Variants in EYS observed in about 807,000 individuals in gnomAD.
EYS encodes the protein protein eyes shut homolog.
EYS carries 250 observed loss-of-function variants against 282.1 expected under a neutral mutation model. The ratio of observed to expected loss-of-function variants is 0.89; its 90% CI spans 0.80 to 0.98. The LOEUF (loss-of-function observed/expected upper bound fraction) is 0.98. Among genes scored for constraint, EYS ranks in the 50% least tolerant of loss-of-function variants. The probability of loss-of-function intolerance (pLI) is 0.00; values close to 1 mark genes in which losing one functional copy is unlikely to be tolerated. For synonymous variants in EYS, 1,355 were observed against 1,282.9 expected (o/e 1.06, Z -1.20); for missense variants, 4,016 against 3,709.0 (o/e 1.08, Z -2.15).
chr6:65,447,003 G>T (rs573023628), intron 5 of EYS, among the ~76,000 whole-genome samples: 1 of 151,678 alleles, frequency 6.6e-6, no homozygotes, highest in South Asian at 2.1e-4. Flanking sequence ...CGTCTTAGAT[G>T]ATTGTATAGC....
intron 22 of EYS, among the ~76,000 whole-genome samples, chr6:64,799,372 T>C (rs1774463077): frequency 6.6e-6 from 1 of 151,830 alleles, no homozygotes; most frequent in East Asian, 1.9e-4. Context: ...CAAAATATAG[T>C]AGGTTTAATC....
rs574118323 is a variant in EYS at position 65,364,935 on chromosome 6, C to T, written c.1300-11318G>A. Among the ~76,000 whole-genome samples the T allele has an allele frequency of 2.0e-5, 3 of 151,778 alleles. No homozygotes were observed. The Admixed American group carries it at 2.0e-4, about 10-fold the overall frequency. Reference sequence around the variant, plus strand: ...AATCTCAGTGATAGTGTGTGTCAAACATTTTTGGTACAATTGCATAATTAA... The same window carrying T: ...AATCTCAGTGATAGTGTGTGTCAAATATTTTTGGTACAATTGCATAATTAA... On this transcript the variant is annotated intron_variant, in intron 8 of 42. Transcript: ENST00000503581.
At chr6:64,259,797 C>A (rs9353672) in intron 30 of EYS, among the ~76,000 whole-genome samples, 1 of 151,468 alleles carries the variant, frequency 6.6e-6, no homozygotes, top group Non-Finnish European at 1.5e-5. Flanking sequence ...CTTTGACAGT[C>A]CCCTCTTTTG....
At chr6:63,925,675 G>A (rs142465508) in intron 35 of EYS, among the ~76,000 whole-genome samples, 8,281 of 152,148 alleles carry the variant, frequency 0.054, 291 homozygotes, top group South Asian at 0.14. Flanking sequence ...ACAGAGTCTC[G>A]CTCTATAGCC....
intron 11 of EYS, among the ~76,000 whole-genome samples, chr6:65,296,498 A>G (rs1699742046): frequency 6.6e-6 from 1 of 151,560 alleles, no homozygotes; most frequent in South Asian, 2.1e-4. Context: ...AAAGTAATGG[A>G]AAAAAATCAC....
At chr6:65,426,731 C>T (rs1032890300) in intron 5 of EYS, among the ~76,000 whole-genome samples, 24 of 151,968 alleles carry the variant, frequency 1.6e-4, no homozygotes, top group African/African-American at 5.6e-4. Flanking sequence ...CACTATTTTC[C>T]TTTTTAATCA....
chr6:65,701,589 T>A (rs1769676917), intron 1 of EYS, among the ~76,000 whole-genome samples: 1 of 152,122 alleles, frequency 6.6e-6, no homozygotes, highest in Admixed American at 6.6e-5. Context: ...TAAAATACCC[T>A]CCCAGGCAAT....
intron 2 of EYS, among the ~76,000 whole-genome samples, chr6:65,605,009 A>T (rs1391889011): frequency 2.2e-5 from 3 of 136,698 alleles, no homozygotes; most frequent in Non-Finnish European, 3.1e-5. Context: ...ATGCCCAGCT[A>T]TTTTTTTTTT....
intron 12 of EYS, among the ~76,000 whole-genome samples, chr6:65,066,501 A>T (rs1773750768): frequency 6.6e-6 from 1 of 152,216 alleles, no homozygotes; most frequent in Non-Finnish European, 1.5e-5. Context: ...GGAGCTTATT[A>T]GGCATGTCAT....
intron 2 of EYS, among the ~76,000 whole-genome samples, chr6:65,618,244 T>A (rs1471444133): frequency 6.6e-6 from 1 of 152,266 alleles, no homozygotes; most frequent in Non-Finnish European, 1.5e-5. Flanking sequence ...TGATCGCCAT[T>A]CTAACTGGTG....
At chr6:65,548,665 C>T (rs907533949) in intron 2 of EYS, among the ~76,000 whole-genome samples, 3 of 152,142 alleles carry the variant, frequency 2.0e-5, no homozygotes, top group South Asian at 2.1e-4. Context: ...CCAATTTGAA[C>T]CCGATGATCT....
intron 2 of EYS, among the ~76,000 whole-genome samples, chr6:65,580,711 T>C (rs185753813): frequency 1.3e-3 from 194 of 152,178 alleles, no homozygotes; most frequent in African/African-American, 4.5e-3. Context: ...TAATGCATAA[T>C]TGGATACAAT....
At chr6:64,586,696 C>T (rs1428132428) in intron 26 of EYS, among the ~76,000 whole-genome samples, 5 of 151,924 alleles carry the variant, frequency 3.3e-5, no homozygotes, top group Admixed American at 2.6e-4. Context: ...CTTGACTTAT[C>T]CTTTTTATTC....
In EYS at chr6:64,637,954, C is replaced by T. The variant is rs934677001; in HGVS notation, c.3444-11709G>A. ...TTTGTTCTTTTTTTACAGTAGCATG[C>T]TATTTCTAGATCACCTTTTAAAAAA... On this transcript the variant is annotated intron_variant, in intron 22 of 42. Transcript: ENST00000503581. Among the ~76,000 whole-genome samples, 17 of 88,850 alleles carry T rather than the reference C, an allele frequency of 1.9e-4. 7 individuals carry two copies. Among genetic ancestry groups the T allele is most frequent in the Non-Finnish European group, 3.6e-4 (15 of 41,530 alleles). The allele number at this position is 88,850 out of a possible 152,430, so 58.3% of individuals were successfully genotyped here.
chr6:64,388,871 G>A (rs1022847925), intron 28 of EYS, 31 bp from the exon 29 acceptor site: 1 of 1,374,398 alleles, frequency 7.3e-7, no homozygotes, highest in East Asian at 2.8e-5. Context: ...AATGGTTTTA[G>A]TATAAGTCAT....
chr6:64,896,645 T>C (rs1445702165), intron 18 of EYS, among the ~76,000 whole-genome samples: 1 of 151,122 alleles, frequency 6.6e-6, no homozygotes, highest in Non-Finnish European at 1.5e-5. Context: ...GGGAGCCAAG[T>C]GGTCTTGCTC....
At chr6:64,310,774 AAGAG>A (rs571772869) in intron 29 of EYS, among the ~76,000 whole-genome samples, 64 of 29,248 alleles carry the variant, frequency 2.2e-3, no homozygotes, top group African/African-American at 3.6e-3. Flanking sequence ...GGTGAAAAAA[AAGAG>A]AGAGAGAGAA....
chr6:64,705,220 CT>C (rs1397876706), intron 22 of EYS, among the ~76,000 whole-genome samples: 1 of 152,136 alleles, frequency 6.6e-6, no homozygotes, highest in Non-Finnish European at 1.5e-5. Context: ...AACTCAACCC[CT>C]TTTACAATAG....
At chr6:64,254,549 TC>T (rs377720483) in intron 30 of EYS, among the ~76,000 whole-genome samples, 44 of 152,110 alleles carry the variant, frequency 2.9e-4, no homozygotes, top group Middle Eastern at 3.4e-3. Flanking sequence ...TTCTTGTCAG[TC>T]CCCGTCTCTG....
Sources: allele counts gnomAD v4.1 joint callset (sites outside exome capture counted in the v4.1 genomes callset), GRCh38; gene constraint gnomAD v4.1.1; transcripts MANE v1.5; gene names NCBI Gene and HGNC (gene_info 2026-07-23, HGNC 2026-07-21).